CSMD1: variants seen among roughly 807,000 people sequenced by gnomAD.
The protein encoded by CSMD1 is CUB and sushi domain-containing protein 1.
Under a neutral mutation model 417.5 loss-of-function variants are expected in CSMD1, and 213 were observed. That is an observed-to-expected ratio of 0.51 (90% CI 0.46 to 0.57). The LOEUF (loss-of-function observed/expected upper bound fraction) is 0.57. Among genes scored for constraint, CSMD1 ranks in the 20% least tolerant of loss-of-function variants. CSMD1 has a pLI of 0.00. For missense variants in CSMD1, 6,923 were observed against 4,529.7 expected (o/e 1.53, Z -15.17); for synonymous variants, 2,862 against 1,736.8 (o/e 1.65, Z -16.11).
chr8:3,180,358 C>G (rs766019622), intron 37 of CSMD1, among the ~76,000 whole-genome samples: 2 of 152,152 alleles, frequency 1.3e-5, no homozygotes, highest in Non-Finnish European at 2.9e-5. Context: ...TCCGGAGCAA[C>G]AGCTCTCTAC....
chr8:4,374,056 AATAAT>A (rs1378702653), intron 3 of CSMD1, among the ~76,000 whole-genome samples: 1 of 152,176 alleles, frequency 6.6e-6, no homozygotes, highest in Admixed American at 6.5e-5. Context: ...ATTGAACTTA[AATAAT>A]ATAATCAATA....
chr8:3,018,497 C>T lies in CSMD1; in HGVS notation c.8009G>A (p.Gly2670Asp), dbSNP rs1281041065. 1.2e-6 allele frequency: 2 copies of T among 1,612,952 alleles called. No individual in the cohort carries two copies. Among genetic ancestry groups the T allele is most frequent in the Admixed American group, 1.7e-5 (1 of 59,838 alleles). The change falls in exon 52 of 70, where the codon GGC becomes GAC. Residue 2670 changes from glycine to aspartate, a missense_variant. Physicochemically the swap from Gly to Asp is moderately conservative, Grantham distance 94 (BLOSUM62 -1). Transcript: ENST00000635120. The stretch of plus-strand genomic sequence containing the variant: ...TTTACCCAGACATCGAGTTTCGCTG[C>T]CGCTCCAGAGCCCATTTGCCAAGCA... ...RECLANGLWSGSETRCLAGHC... is the reference protein window; with the variant it reads ...RECLANGLWSDSETRCLAGHC...
intron 2 of CSMD1, among the ~76,000 whole-genome samples, chr8:4,422,102 A>G (rs1373004551): frequency 2.0e-5 from 3 of 152,116 alleles, no homozygotes; most frequent in Non-Finnish European, 4.4e-5. Flanking sequence ...ATGAAAAAAT[A>G]CATAATATGA....
At chr8:3,576,863 C>T (rs971860707) in intron 9 of CSMD1, among the ~76,000 whole-genome samples, 2 of 152,182 alleles carry the variant, frequency 1.3e-5, no homozygotes, top group Non-Finnish European at 2.9e-5. Flanking sequence ...TGATAATAAA[C>T]TCTGAGTTGT....
At chr8:3,215,229 C>G (rs1024352689) in intron 29 of CSMD1, among the ~76,000 whole-genome samples, 1 of 152,174 alleles carries the variant, frequency 6.6e-6, no homozygotes, top group African/African-American at 2.4e-5. Context: ...AAGATGGATG[C>G]TTGTTCTCAT....
At chr8:3,190,658 T>C (rs2129051012) in intron 33 of CSMD1, among the ~76,000 whole-genome samples, 1 of 152,290 alleles carries the variant, frequency 6.6e-6, no homozygotes, top group Middle Eastern at 3.4e-3. Context: ...GGAATTTAAA[T>C]TGGGATCCCA....
intron 2 of CSMD1, among the ~76,000 whole-genome samples, chr8:4,633,825 T>A (rs536565216): frequency 3.7e-4 from 57 of 152,240 alleles, no homozygotes; most frequent in African/African-American, 1.2e-3. Flanking sequence ...CCTCCCAAAT[T>A]GCTGGGATTA....
At chr8:3,892,107 G>C (rs931401098) in intron 5 of CSMD1, among the ~76,000 whole-genome samples, 1 of 151,116 alleles carries the variant, frequency 6.6e-6, no homozygotes, top group Non-Finnish European at 1.5e-5. Context: ...ATTCAGGCAG[G>C]ACAGATACAT....
intron 26 of CSMD1, among the ~76,000 whole-genome samples, chr8:3,259,435 T>C (rs1483577243): frequency 2.0e-5 from 3 of 152,090 alleles, no homozygotes; most frequent in African/African-American, 4.8e-5. Context: ...AGTGAATGAA[T>C]GAATGAATGA....
intron 1 of CSMD1, among the ~76,000 whole-genome samples, chr8:4,968,942 T>C (rs935957822): frequency 6.6e-6 from 1 of 152,140 alleles, no homozygotes; most frequent in Non-Finnish European, 1.5e-5. Flanking sequence ...TGTCATTCTC[T>C]CCATCACTCC....
chr8:3,027,670 C>G (rs574525255), intron 51 of CSMD1, among the ~76,000 whole-genome samples: 1 of 152,184 alleles, frequency 6.6e-6, no homozygotes, highest in East Asian at 1.9e-4. Context: ...ATTTGTGGCC[C>G]GAGACACCTA....
At chr8:3,659,262 A>G (rs904160519) in intron 7 of CSMD1, among the ~76,000 whole-genome samples, 2 of 152,216 alleles carry the variant, frequency 1.3e-5, no homozygotes, top group South Asian at 4.1e-4. Context: ...ACATGATAAC[A>G]AAGACTACCA....
intron 10 of CSMD1, among the ~76,000 whole-genome samples, chr8:3,574,343 C>A (rs1036688767): frequency 6.6e-6 from 1 of 152,196 alleles, no homozygotes; most frequent in Non-Finnish European, 1.5e-5. Context: ...TGGGTTCAAG[C>A]GATTCCTGGG....
chr8:4,952,564 C>A (rs7818908), intron 1 of CSMD1, among the ~76,000 whole-genome samples: 1 of 151,908 alleles, frequency 6.6e-6, no homozygotes. Context: ...TAAATTTTCA[C>A]TTTAAAATTA....
chr8:3,981,221 T>A (rs908172733), intron 5 of CSMD1, among the ~76,000 whole-genome samples: 1 of 152,196 alleles, frequency 6.6e-6, no homozygotes, highest in African/African-American at 2.4e-5. Context: ...CATGCAATTA[T>A]TCTAAGTGAA....
At chr8:3,935,941 G>T (rs764345438) in intron 5 of CSMD1, among the ~76,000 whole-genome samples, 6 of 152,130 alleles carry the variant, frequency 3.9e-5, no homozygotes, top group Non-Finnish European at 8.8e-5. Flanking sequence ...AGTGAGCCAA[G>T]CTGTGAATGC....
chr8:3,893,309 T>G, intron 5 of CSMD1, among the ~76,000 whole-genome samples: 2 of 129,038 alleles, frequency 1.5e-5, no homozygotes, highest in Non-Finnish European at 3.3e-5. Flanking sequence ...AAGAAAAATT[T>G]TATGTCCCAA....
intron 3 of CSMD1, among the ~76,000 whole-genome samples, chr8:4,037,687 G>A (rs936132556): frequency 6.6e-6 from 1 of 152,156 alleles, no homozygotes; most frequent in Non-Finnish European, 1.5e-5. Flanking sequence ...AAAGGGGAAG[G>A]TGTGAAGATT....
chr8:4,919,996 A>C (rs1806329204), intron 1 of CSMD1, among the ~76,000 whole-genome samples: 1 of 152,274 alleles, frequency 6.6e-6, no homozygotes, highest in South Asian at 2.1e-4. Flanking sequence ...TGAGAAATAC[A>C]TTTCTGTTCT....
Sources: allele counts gnomAD v4.1 joint callset (sites outside exome capture counted in the v4.1 genomes callset), GRCh38; gene constraint gnomAD v4.1.1; transcripts MANE v1.5; gene names NCBI Gene and HGNC (gene_info 2026-07-23, HGNC 2026-07-21).